Variants in METTL15 observed in about 807,000 individuals in gnomAD.
The protein encoded by METTL15 is 12S rRNA N(4)-cytidine methyltransferase METTL15.
METTL15 carries 34 observed loss-of-function variants against 38.3 expected under a neutral mutation model. That is an observed-to-expected ratio of 0.89 (90% CI 0.68 to 1.18). METTL15 has a LOEUF of 1.18. Among genes scored for constraint, METTL15 ranks in the 50% most tolerant of loss-of-function variants. The probability of loss-of-function intolerance (pLI) is 0.00; values close to 1 mark genes in which losing one functional copy is unlikely to be tolerated. For synonymous variants in METTL15, 162 were observed against 170.9 expected, an observed-to-expected ratio of 0.95 and a Z score of 0.41; for missense variants, 438 against 498.4, an observed-to-expected ratio of 0.88 and a Z score of 1.15.
intron 6 of METTL15, among the ~76,000 whole-genome samples, chr11:28,454,245 A>C (rs2133450070): frequency 6.6e-6 from 1 of 152,338 alleles, no homozygotes; most frequent in South Asian, 2.1e-4. Context: ...ACCACATAAA[A>C]ACTGACTAAC....
chr11:28,421,316 C>T (rs970560502), intron 5 of METTL15, among the ~76,000 whole-genome samples: 1 of 151,988 alleles, frequency 6.6e-6, no homozygotes, highest in Non-Finnish European at 1.5e-5. Flanking sequence ...CCTACTCAAA[C>T]TATTATGAAA....
chr11:28,278,312 A>C (rs2133968805), intron 4 of METTL15, among the ~76,000 whole-genome samples: 1 of 152,336 alleles, frequency 6.6e-6, no homozygotes, highest in East Asian at 1.9e-4. Flanking sequence ...ACATCATGTA[A>C]AAAGAATAAA....
intron 6 of METTL15, among the ~76,000 whole-genome samples, chr11:28,497,443 T>C (rs1851544217): frequency 6.6e-6 from 1 of 152,204 alleles, no homozygotes; most frequent in Non-Finnish European, 1.5e-5. Context: ...ATATGTTCCT[T>C]TTCAAAGACA....
At chr11:28,131,436 G>A (rs1256607801) in intron 3 of METTL15, among the ~76,000 whole-genome samples, 1 of 149,710 alleles carries the variant, frequency 6.7e-6, no homozygotes, top group Non-Finnish European at 1.5e-5. Context: ...TTGGTAAAGT[G>A]TGTAATTTCA....
intron 4 of METTL15, among the ~76,000 whole-genome samples, chr11:28,278,330 G>A (rs1855920242): frequency 6.6e-6 from 1 of 152,092 alleles, no homozygotes; most frequent in African/African-American, 2.4e-5. Context: ...AAAATTAAAT[G>A]TTAAGAAAAT....
At chr11:28,148,803 T>C (rs1849977489) in intron 3 of METTL15, among the ~76,000 whole-genome samples, 1 of 152,006 alleles carries the variant, frequency 6.6e-6, no homozygotes, top group Non-Finnish European at 1.5e-5. Context: ...ATGCTTGTGG[T>C]GGTCAGTCCT....
intron 4 of METTL15, among the ~76,000 whole-genome samples, chr11:28,229,409 C>G (rs960283584): frequency 6.6e-6 from 1 of 151,958 alleles, no homozygotes; most frequent in Non-Finnish European, 1.5e-5. Flanking sequence ...TAGACTTTCT[C>G]CCCTTGTCAG....
At chr11:28,184,730 T>G (rs1851430774) in intron 3 of METTL15, among the ~76,000 whole-genome samples, 1 of 151,622 alleles carries the variant, frequency 6.6e-6, no homozygotes, top group African/African-American at 2.4e-5. Context: ...AATATATCAC[T>G]TAATAACTTG....
chr11:28,310,893 CTGCTGCTGCTGCTGCTGCTGCTGGTGG>C (rs1857254462), intron 6 of METTL15, among the ~76,000 whole-genome samples: 3 of 83,292 alleles, frequency 3.6e-5, no homozygotes, highest in South Asian at 5.4e-4. Flanking sequence ...GCTGCTGCTG[CTGCTGCTGCTGCTGCTGCTGCTGGTGG>C]TGGTGGTGGT....
intron 6 of METTL15, among the ~76,000 whole-genome samples, chr11:28,462,196 T>A (rs192718654): frequency 6.6e-6 from 1 of 152,216 alleles, no homozygotes; most frequent in East Asian, 1.9e-4. Context: ...ATATCTGACC[T>A]AATACTTTAA....
chr11:28,367,576 T>G (rs1483890197), intron 5 of METTL15, among the ~76,000 whole-genome samples: 3 of 152,122 alleles, frequency 2.0e-5, no homozygotes, highest in Non-Finnish European at 4.4e-5. Context: ...ACTGACTTTC[T>G]TCATGGAATT....
intron 6 of METTL15, among the ~76,000 whole-genome samples, chr11:28,298,095 G>A (rs1247548790): frequency 6.6e-6 from 1 of 151,810 alleles, no homozygotes; most frequent in Non-Finnish European, 1.5e-5. Flanking sequence ...GATTTCTTTA[G>A]GCAAGTTTAA....
At chr11:28,486,053 C>A (rs771856706) in intron 6 of METTL15, among the ~76,000 whole-genome samples, 1 of 152,154 alleles carries the variant, frequency 6.6e-6, no homozygotes, top group Non-Finnish European at 1.5e-5. Context: ...GTTAGGGCTT[C>A]AACACATGAA....
At chr11:28,350,734 A>T (rs1307593306) in intron 3 of METTL15, among the ~76,000 whole-genome samples, 2 of 152,242 alleles carry the variant, frequency 1.3e-5, no homozygotes, top group African/African-American at 4.8e-5. Flanking sequence ...TGATGCTATC[A>T]ATCAATAGGT....
chr11:28,397,705 G>A (rs2133400779), intron 5 of METTL15, among the ~76,000 whole-genome samples: 1 of 152,178 alleles, frequency 6.6e-6, no homozygotes, highest in Non-Finnish European at 1.5e-5. Context: ...TCTAGAACTA[G>A]AAATACCATT....
chr11:28,460,164 G>A (rs915455114), intron 6 of METTL15, among the ~76,000 whole-genome samples: 1 of 151,878 alleles, frequency 6.6e-6, no homozygotes, highest in Admixed American at 6.6e-5. Flanking sequence ...ACCAGTTGGA[G>A]GCTTCTCCCT....
chr11:28,243,319 G>A (rs73436597), intron 4 of METTL15, among the ~76,000 whole-genome samples: 306 of 152,200 alleles, frequency 2.0e-3, no homozygotes, highest in African/African-American at 6.0e-3. Context: ...TCTTTTGGCC[G>A]TACCTTTTTC....
chr11:28,275,699 C>T (rs955935166), intron 4 of METTL15, among the ~76,000 whole-genome samples: 2 of 150,080 alleles, frequency 1.3e-5, no homozygotes, highest in African/African-American at 4.9e-5. Flanking sequence ...TGCAAAAATC[C>T]TTAACAAAAT....
At chr11:28,302,728 C>T (rs1189873517) in intron 6 of METTL15, among the ~76,000 whole-genome samples, 2 of 152,168 alleles carry the variant, frequency 1.3e-5, no homozygotes, top group Non-Finnish European at 2.9e-5. Context: ...TCCCCCACAA[C>T]ATTAACACTA....
Sources: gnomAD v4.1 joint callset for allele counts (sites outside exome capture counted in the v4.1 genomes callset) on GRCh38, gnomAD v4.1.1 for gene constraint, MANE v1.5 for transcripts, NCBI Gene and HGNC (gene_info 2026-07-23, HGNC 2026-07-21) for gene names.